The following LCMT1 variants were observed in gnomAD, a reference collection of about 807,000 sequenced individuals.
The protein encoded by LCMT1 is leucine carboxyl methyltransferase 1.
In LCMT1, 32 loss-of-function variants were observed where a neutral mutation model predicts 47.7. The ratio of observed to expected loss-of-function variants is 0.67; its 90% confidence interval spans 0.51 to 0.90. The LOEUF (loss-of-function observed/expected upper bound fraction) is 0.90, where lower values mean the gene tolerates loss of function less well. Among genes scored for constraint, LCMT1 ranks in the 40% least tolerant of loss-of-function variants. The probability of loss-of-function intolerance (pLI) is 0.00; values close to 1 mark genes in which losing one functional copy is unlikely to be tolerated. For synonymous variants in LCMT1, 152 were observed against 149.7 expected, an observed-to-expected ratio of 1.02 and a Z score of -0.11; for missense variants, 375 against 415.2, an observed-to-expected ratio of 0.90 and a Z score of 0.84.
intron 1 of LCMT1, among the ~76,000 whole-genome samples, chr16:25,125,790 C>T (rs1231650823): frequency 2.0e-5 from 3 of 151,538 alleles, no homozygotes; most frequent in African/African-American, 7.3e-5. Flanking sequence ...CGAGATCACG[C>T]CATTGCACTC....
chr16:25,166,953 G>A (rs1351186461), intron 7 of LCMT1, among the ~76,000 whole-genome samples: 1 of 152,156 alleles, frequency 6.6e-6, no homozygotes, highest in African/African-American at 2.4e-5. Flanking sequence ...ACCACATCTG[G>A]GGAAACATTC....
chr16:25,126,931 C>T (rs1960209756), intron 1 of LCMT1, among the ~76,000 whole-genome samples: 1 of 152,186 alleles, frequency 6.6e-6, no homozygotes, highest in East Asian at 1.9e-4. Context: ...TGCTGGGCTA[C>T]CATTCTTGTT....
chr16:25,117,468 C>G (rs1481514512), intron 1 of LCMT1, among the ~76,000 whole-genome samples: 1 of 152,206 alleles, frequency 6.6e-6, no homozygotes, highest in Non-Finnish European at 1.5e-5. Context: ...ACCTCCAGTT[C>G]ACTATTTCCA....
chr16:25,125,560 C>T (rs1045992081), intron 1 of LCMT1, among the ~76,000 whole-genome samples: 4 of 152,012 alleles, frequency 2.6e-5, no homozygotes, highest in African/African-American at 4.8e-5. Flanking sequence ...TTGGGTCGGG[C>T]GCGGTGGCTC....
In LCMT1 at chr16:25,150,128, T is replaced by C. The variant is rs144257519; in HGVS notation, c.405-1426T>C. Among the ~76,000 whole-genome samples, 5 of 152,188 alleles carry C rather than the reference T, an allele frequency of 3.3e-5. No homozygotes were observed. The East Asian group carries it at 9.7e-4, about 29-fold the overall frequency. On this transcript the variant is annotated intron_variant, in intron 4 of 10. Coordinates refer to ENST00000399069, the MANE Select transcript of LCMT1 (RefSeq NM_016309.3). ...TGAGAGCTTTCATAGCCTAGTACCATGTTAAGTGCTTCACTTGGATTGTTT... is the reference window on the plus strand; with the variant it reads ...TGAGAGCTTTCATAGCCTAGTACCACGTTAAGTGCTTCACTTGGATTGTTT...
intron 4 of LCMT1, among the ~76,000 whole-genome samples, chr16:25,150,109 C>T (rs1961027447): frequency 6.6e-6 from 1 of 152,028 alleles, no homozygotes; most frequent in South Asian, 2.1e-4. Context: ...GTGCTGAGAG[C>T]TTTCATAGCC....
chr16:25,170,851 T>C, intron 9 of LCMT1, 46 bp downstream of exon 9: 1 of 1,232,448 alleles, frequency 8.1e-7, no homozygotes. Flanking sequence ...CATTGTGAAC[T>C]CAAGGCATGA....
At chr16:25,170,315 T>C (rs1217592960) in intron 8 of LCMT1, among the ~76,000 whole-genome samples, 1 of 152,228 alleles carries the variant, frequency 6.6e-6, no homozygotes, top group Non-Finnish European at 1.5e-5. Flanking sequence ...ATAGAAAAGT[T>C]CTTCCTTTAT....
chr16:25,130,989 A>G (rs1339482563), intron 2 of LCMT1, among the ~76,000 whole-genome samples: 1 of 152,230 alleles, frequency 6.6e-6, no homozygotes, highest in Non-Finnish European at 1.5e-5. Flanking sequence ...GAGATGGAGA[A>G]TTACTTTTTG....
intron 3 of LCMT1, among the ~76,000 whole-genome samples, chr16:25,137,332 C>T (rs1960532085): frequency 6.6e-6 from 1 of 152,082 alleles, no homozygotes; most frequent in South Asian, 2.1e-4. Context: ...CTGCACCTGG[C>T]CCCCCTCAAG....
At chr16:25,133,731 C>T (rs1400499426) in intron 3 of LCMT1, among the ~76,000 whole-genome samples, 1 of 150,940 alleles carries the variant, frequency 6.6e-6, no homozygotes, top group African/African-American at 2.4e-5. Context: ...AAACCGTTTC[C>T]CTACAAAGTC....
At chr16:25,163,267 G>C (rs1961485884) in intron 6 of LCMT1, among the ~76,000 whole-genome samples, 1 of 152,124 alleles carries the variant, frequency 6.6e-6, no homozygotes, top group Admixed American at 6.5e-5. Flanking sequence ...AAGAGATTGA[G>C]ACCAGCCTGG....
Position 25,132,395 on chromosome 16 carries a change from C to G in LCMT1, c.206-7C>G, listed in dbSNP as rs1960374297. The G allele has an allele frequency of 1.2e-6, 2 of 1,613,236 alleles. No homozygotes were observed. Among genetic ancestry groups the G allele is most frequent in the South Asian group, 2.2e-5 (2 of 91,060 alleles). On this transcript the variant is annotated splice_polypyrimidine_tract_variant and splice_region_variant and intron_variant, in intron 2 of 10. Transcript: ENST00000399069. ...TAGCTTGTTTCTGTGCCTCCCCTCC[C>G]CCCTAGGATATTTTGCTCGAGTCCA...
chr16:25,111,981 C>T lies in LCMT1; in HGVS notation c.98C>T (p.Ala33Val). ...GGCGTGCGCGGCACCTGCGAAGATG[C>T]TTCCCTGTGCAAGAGGTGCCTGTCG... ...DEGVRGTCED[A>V]SLCKRFAVSI... The change falls in exon 1 of 11, where the codon GCT becomes GTT. Residue 33 changes from alanine to valine, a missense_variant. Coordinates refer to ENST00000399069, the MANE Select transcript of LCMT1 (RefSeq NM_016309.3). 6.2e-7 allele frequency: 1 copy of T among 1,612,888 alleles called. No individual in the cohort carries two copies. The highest frequency in any genetic ancestry group is 8.5e-7 in the Non-Finnish European group (1 of 1,179,204).
chr16:25,135,473 A>G (rs1960478293), intron 3 of LCMT1, among the ~76,000 whole-genome samples: 1 of 152,202 alleles, frequency 6.6e-6, no homozygotes, highest in Non-Finnish European at 1.5e-5. Context: ...AGCAGAGTTG[A>G]GTAGTTACAA....
chr16:25,148,538 C>T (rs772113615), intron 4 of LCMT1, among the ~76,000 whole-genome samples: 13 of 152,246 alleles, frequency 8.5e-5, no homozygotes, highest in Non-Finnish European at 1.8e-4. Flanking sequence ...CGTGTCAGTC[C>T]GTCCTGCACG....
At chr16:25,148,159 C>T (rs1408188092) in intron 4 of LCMT1, 2 of 152,402 alleles carry the variant, frequency 1.3e-5, no homozygotes, top group African/African-American at 2.4e-5. Flanking sequence ...GAAGAGAACT[C>T]CCCAAAACCG....
rs141028494 is a variant in LCMT1 at position 25,128,351 on chromosome 16, C to A, written c.114-124C>A. On this transcript the variant is annotated intron_variant, in intron 1 of 10. Coordinates refer to ENST00000399069, the MANE Select transcript of LCMT1 (RefSeq NM_016309.3). Reference sequence around the variant, plus strand: ...AACAGGGCACTAAATGTGCACTTGGCCTTTTGAGGTGGATGGTTGGTTTTC... The same window carrying A: ...AACAGGGCACTAAATGTGCACTTGGACTTTTGAGGTGGATGGTTGGTTTTC... The A allele has an allele frequency of 2.1e-4, 131 of 638,726 alleles. No homozygotes were observed. In the African/African-American group the frequency reaches 2.2e-3, roughly 11 times the overall value. 39.6% of individuals were successfully genotyped at this position (638,726 alleles called of 1,614,324 possible).
chr16:25,152,074 C>T (rs1961099108), intron 5 of LCMT1, among the ~76,000 whole-genome samples: 1 of 151,992 alleles, frequency 6.6e-6, no homozygotes, highest in Non-Finnish European at 1.5e-5. Context: ...AGGTTTTGGC[C>T]CTCTGACATC....
Sources: allele counts gnomAD v4.1 joint callset (sites outside exome capture counted in the v4.1 genomes callset), GRCh38; gene constraint gnomAD v4.1.1; transcripts MANE v1.5; gene names NCBI Gene and HGNC (gene_info 2026-07-23, HGNC 2026-07-21).